INSC: variants seen among roughly 807,000 people sequenced by gnomAD.
The protein encoded by INSC is protein inscuteable homolog.
A neutral mutation model predicts 58.6 loss-of-function variants in INSC; 67 were observed. The observed-to-expected ratio is 1.14, with a 90% CI of 0.94 to 1.40. INSC has a LOEUF of 1.40. Among genes scored for constraint, INSC ranks in the 40% most tolerant of loss-of-function variants. The pLI is 0.00. For missense variants in INSC, 714 were observed against 692.0 expected (o/e 1.03, Z -0.36); for synonymous variants, 262 against 276.1 (o/e 0.95, Z 0.51).
the INSC span, among the ~76,000 whole-genome samples, chr11:15,257,131 C>A: frequency 1.3e-5 from 2 of 152,138 alleles, no homozygotes. Flanking sequence ...TATAAAATTG[C>A]AAGATCAAAA....
chr11:15,166,438 G>C (rs189132563), intron 2 of INSC, among the ~76,000 whole-genome samples: 167 of 152,166 alleles, frequency 1.1e-3, no homozygotes, highest in African/African-American at 3.5e-3. Context: ...CTAGTTACTT[G>C]CCCAACACTT....
chr11:15,229,588 A>G (rs1379622716), intron 9 of INSC, among the ~76,000 whole-genome samples: 1 of 152,024 alleles, frequency 6.6e-6, no homozygotes, highest in African/African-American at 2.4e-5. Flanking sequence ...TGTCATTATG[A>G]TGATTAGATG....
chr11:15,213,005 T>A (rs186610774), intron 7 of INSC, among the ~76,000 whole-genome samples: 1 of 152,250 alleles, frequency 6.6e-6, no homozygotes, highest in African/African-American at 2.4e-5. Context: ...AGAAGGTGGA[T>A]AACTTGCTCA....
At chr11:15,189,395 A>G (rs1222939265) in intron 5 of INSC, among the ~76,000 whole-genome samples, 1 of 34,272 alleles carries the variant, frequency 2.9e-5, no homozygotes, top group South Asian at 1.6e-3. Context: ...TTATTTATTT[A>G]TTTATTTATT....
At chr11:15,183,884 A>C (rs1849871744) in intron 5 of INSC, among the ~76,000 whole-genome samples, 1 of 152,238 alleles carries the variant, frequency 6.6e-6, no homozygotes, top group Non-Finnish European at 1.5e-5. Flanking sequence ...CTATTTTGCC[A>C]AAATATTTTC....
rs760508602 is a variant in INSC, at chr11:15,221,568, T to C, written c.911T>C (p.Val304Ala). The part of the protein sequence containing the change: ...RAEAAAVVAQ[V>A]TSPHLPVTQH... The stretch of plus-strand genomic sequence containing the variant: ...GAGGCTGCGGCTGTGGTGGCCCAGG[T>C]CACCTCCCCACACCTGCCCGTCACC... The change falls in exon 8 of 13, where the codon GTC becomes GCC. Residue 304 changes from valine (V) to alanine (A), a missense_variant. Transcript: ENST00000379556. 61 of 1,613,836 alleles carry C rather than the reference T, an allele frequency of 3.8e-5. 1 individual carries two copies. The highest frequency in any genetic ancestry group is 4.9e-5 in the Non-Finnish European group (58 of 1,179,958).
intron 4 of INSC, 61 bp downstream of exon 4, chr11:15,177,224 C>A: frequency 7.5e-7 from 1 of 1,333,674 alleles, no homozygotes; most frequent in Non-Finnish European, 1.1e-6. Flanking sequence ...GGAGAAGGGG[C>A]TGGTATCTTC....
At chr11:15,201,503 G>C (rs530827551) in intron 7 of INSC, among the ~76,000 whole-genome samples, 24 of 152,286 alleles carry the variant, frequency 1.6e-4, no homozygotes, top group African/African-American at 5.8e-4. Context: ...GAGGAAGGTG[G>C]TGATGTGACA....
chr11:15,122,677 A>G (rs1847901462), intron 1 of INSC, among the ~76,000 whole-genome samples: 1 of 152,072 alleles, frequency 6.6e-6, no homozygotes, highest in African/African-American at 2.4e-5. Context: ...TATCTTGTTG[A>G]TATTAGCTTG....
intron 9 of INSC, among the ~76,000 whole-genome samples, chr11:15,229,995 A>T (rs1181230012): frequency 0.048 from 1,459 of 30,192 alleles, 127 homozygotes; most frequent in East Asian, 0.33. Context: ...ATATATATAT[A>T]TATATATATA....
rs777275778 is a variant in INSC at position 15,240,463 on chromosome 11, C to T, written c.1410C>T (p.Ile470=). The change falls in exon 12 of 13, where the codon ATC becomes ATT. Residue 470 remains isoleucine, a synonymous_variant. Transcript: ENST00000379556. ...CTCCTACAGGCATGTCCCGTCTCAT[C>T]GAGCTCTGCAGATCCCCATCAGAGA... The part of the protein sequence containing the change: ...AVRLSCMSRL[I]ELCRSPSERN... 6.8e-6 allele frequency: 11 copies of T among 1,613,784 alleles called. 1 individual carries two copies. Among genetic ancestry groups the T allele is most frequent in the African/African-American group, 4.0e-5 (3 of 74,914 alleles).
chr11:15,250,167 A>G (rs1852635059), downstream of INSC, among the ~76,000 whole-genome samples: 1 of 152,178 alleles, frequency 6.6e-6, no homozygotes. Flanking sequence ...GCAGCATGCT[A>G]TGGAGAAAGA....
chr11:15,244,287 T>A (rs1852476720), intron 12 of INSC, among the ~76,000 whole-genome samples: 1 of 152,116 alleles, frequency 6.6e-6, no homozygotes, highest in Non-Finnish European at 1.5e-5. Context: ...CCACGCCCCA[T>A]GAGAGTCGAG....
At chr11:15,255,549 AT>A in the INSC span, among the ~76,000 whole-genome samples, 3 of 152,174 alleles carry the variant, frequency 2.0e-5, no homozygotes, top group Admixed American at 2.0e-4. Flanking sequence ...TTGGGAACAA[AT>A]GCTTTAACAT....
chr11:15,179,473 G>A (rs1198503426), intron 5 of INSC, among the ~76,000 whole-genome samples: 1 of 152,172 alleles, frequency 6.6e-6, no homozygotes, highest in Non-Finnish European at 1.5e-5. Flanking sequence ...CCGAGCCCAG[G>A]GTTTGCTTTC....
intron 1 of INSC, among the ~76,000 whole-genome samples, chr11:15,136,435 G>C (rs1266517936): frequency 6.6e-6 from 1 of 151,864 alleles, no homozygotes; most frequent in Non-Finnish European, 1.5e-5. Context: ...CACATCAATT[G>C]ACTCTTCTTT....
the INSC span, among the ~76,000 whole-genome samples, chr11:15,254,105 G>A: frequency 6.6e-6 from 1 of 152,174 alleles, no homozygotes; most frequent in Non-Finnish European, 1.5e-5. Context: ...TTTCACCTTT[G>A]TGAGTTGGGT....
At chr11:15,189,767 C>A (rs753798387) in intron 5 of INSC, among the ~76,000 whole-genome samples, 2 of 152,206 alleles carry the variant, frequency 1.3e-5, no homozygotes, top group Admixed American at 6.5e-5. Flanking sequence ...TCTTCTTAGT[C>A]TCTAACTCCA....
rs141935613 is a variant in INSC, at chr11:15,214,350, C to T, written c.820-7127C>T. Among the ~76,000 whole-genome samples the T allele has an allele frequency of 8.6e-3, 1,311 of 152,268 alleles. 4 individuals are homozygous for T. Among genetic ancestry groups the T allele is most frequent in the Middle Eastern group, 0.017 (5 of 294 alleles). ...GGTCACTCTCCTGCTCCTATGGCTG[C>T]GTTTTCAGTGCATTCCCGTGATTCT... On this transcript the variant is annotated intron_variant, in intron 7 of 12. Transcript: ENST00000379556.
Sources: gnomAD v4.1 joint callset for allele counts (sites outside exome capture counted in the v4.1 genomes callset) on GRCh38, gnomAD v4.1.1 for gene constraint, MANE v1.5 for transcripts, NCBI Gene and HGNC (gene_info 2026-07-23, HGNC 2026-07-21) for gene names.